The following INO80E variants were observed in gnomAD, a reference collection of about 807,000 sequenced individuals.
The protein encoded by INO80E is INO80 complex subunit E.
In INO80E, 20 loss-of-function variants were observed where a neutral mutation model predicts 27.3. The observed-to-expected ratio is 0.73, with a 90% CI of 0.51 to 1.06. The LOEUF (loss-of-function observed/expected upper bound fraction) is 1.06, where lower values mean the gene tolerates loss of function less well. Ranked by LOEUF, INO80E falls within the 50% of genes least tolerant of loss-of-function variation. INO80E has a pLI of 0.00. For missense variants in INO80E, 357 were observed against 322.8 expected (o/e 1.11, Z -0.81); for synonymous variants, 167 against 145.9 (o/e 1.14, Z -1.04).
At chr16:30,001,822 G>T in intron 6 of INO80E, 1 of 415,460 alleles carries the variant, frequency 2.4e-6, no homozygotes. Flanking sequence ...CGTGTTGTGT[G>T]ATGCCAGGTA....
Position 30,000,922 on chromosome 16 carries a change from TC to T in INO80E, c.285-6del. 1 of 1,604,426 alleles carries T rather than the reference TC, an allele frequency of 6.2e-7. No homozygotes were observed. Among genetic ancestry groups the T allele is most frequent in the Non-Finnish European group, 8.5e-7 (1 of 1,172,960 alleles). ...CCACATCTGACCTCGCCCTGTCCTT[TC>T]TCCAGGAAGAGAAGCCCTCCGCTGG... On this transcript the variant is annotated splice_region_variant and splice_polypyrimidine_tract_variant and intron_variant, in intron 4 of 6. Transcript: ENST00000563197.
In INO80E at chr16:29,996,527, A is replaced by C. The variant is rs563150678; in HGVS notation, c.82-20A>C. 34 of 1,557,990 alleles carry C rather than the reference A, an allele frequency of 2.2e-5. No individual in the cohort carries two copies. The African/African-American group carries it at 4.2e-4, about 19-fold the overall frequency. ...TCACGGAGGACCGTTGGCCCAGCGC[A>C]CCCCTTGCCCGTGATACAGGAGCAC... On this transcript the variant is annotated intron_variant, in intron 1 of 6. Coordinates refer to ENST00000563197, the MANE Select transcript of INO80E (RefSeq NM_173618.3).
At position 29,996,827 on chromosome 16, in the gene INO80E, C is replaced by A; in HGVS notation, c.172C>A (p.Leu58Met). The A allele has an allele frequency of 6.2e-7, 1 of 1,614,200 alleles. No individual in the cohort carries two copies. Among genetic ancestry groups the A allele is most frequent in the Non-Finnish European group, 8.5e-7 (1 of 1,180,016 alleles). Residue 58 changes from leucine (L) to methionine (M), a missense_variant, in exon 3 of 7, where the codon CTG becomes ATG. Leu to Met is a conservative substitution (Grantham distance 15). Transcript: ENST00000563197. ...RDKSFLLDRL[L>M]QYENVDEDSS... is the part of the protein sequence containing the mutation. ...CCTCAGTTTCCTCCTAGACCGACTT[C>A]TGCAGTACGAGAACGTGGATGAAGA... is the stretch of plus-strand genomic sequence containing the variant.
chr16:29,996,659 GA>G (rs1176784562), intron 2 of INO80E, 42 bp downstream of exon 2: 1 of 1,583,704 alleles, frequency 6.3e-7, no homozygotes, highest in East Asian at 2.3e-5. Flanking sequence ...TGCTTCCTAG[GA>G]AATCTACATT....
intron 6 of INO80E, chr16:30,004,607 G>C (rs2070478902): frequency 6.5e-6 from 1 of 154,958 alleles, no homozygotes; most frequent in Admixed American, 6.5e-5. Context: ...GCTGGATCTG[G>C]GAGAGGCTGC....
At chr16:30,000,408 T>C (rs1003286029) in intron 3 of INO80E, among the ~76,000 whole-genome samples, 4 of 152,180 alleles carry the variant, frequency 2.6e-5, no homozygotes, top group African/African-American at 9.7e-5. Flanking sequence ...TCTTGCTCTG[T>C]CACCCAGGCT....
intron 3 of INO80E, among the ~76,000 whole-genome samples, chr16:29,999,757 A>T (rs1009156170): frequency 2.0e-5 from 3 of 152,234 alleles, no homozygotes; most frequent in Admixed American, 2.0e-4. Context: ...AGCCAGATTA[A>T]GCAGCACCAT....
In INO80E at chr16:29,996,421, G is replaced by C. The variant is rs1043379236; in HGVS notation, c.81+30G>C. On this transcript the variant is annotated intron_variant, in intron 1 of 6. Coordinates refer to ENST00000563197, the MANE Select transcript of INO80E (RefSeq NM_173618.3). ...GTGCTGCCGCGGGAAGGCTGTGGGG[G>C]ATGAGGCCTGGCGCGGACAAGATCT... 4 of 1,568,090 alleles carry C rather than the reference G, an allele frequency of 2.6e-6. No individual in the cohort carries two copies. The African/African-American group carries it at 5.4e-5, about 21-fold the overall frequency.
chr16:30,005,443 C>T lies in INO80E; in HGVS notation c.*1C>T, dbSNP rs373830911. ...CCTGGTGATCGACATCCCGGAGTGA[C>T]CGTGACATCACGCCATGCCCACCAC... is the stretch of plus-strand genomic sequence containing the variant. On this transcript the variant is annotated 3_prime_UTR_variant, in exon 7 of 7. Transcript: ENST00000563197. 3 of 1,594,374 alleles carry T rather than the reference C, an allele frequency of 1.9e-6. No homozygotes were observed. The highest frequency in any genetic ancestry group is 2.3e-5 in the South Asian group (2 of 87,556).
rs1308083517 is a variant in INO80E at position 30,005,781 on chromosome 16, G to A, written c.*339G>A. 5.6e-5 allele frequency: 26 copies of A among 465,146 alleles called. No individual in the cohort carries two copies. In the Admixed American group the frequency reaches 7.4e-4, roughly 13 times the overall value. The allele number at this position is 465,146 out of a possible 1,614,324, so 28.8% of individuals were successfully genotyped here. ...TCAATGAAGTTTCTGTATTAAAGGA[G>A]TGGCTCTGGGTTTGTTTTTTGTCCT... is the stretch of plus-strand genomic sequence containing the variant. On this transcript the variant is annotated 3_prime_UTR_variant, in exon 7 of 7. Coordinates refer to ENST00000563197, the MANE Select transcript of INO80E (RefSeq NM_173618.3).
intron 2 of INO80E, 82 bp downstream of exon 2, chr16:29,996,699 G>T: frequency 1.9e-6 from 3 of 1,587,696 alleles, no homozygotes; most frequent in Non-Finnish European, 1.7e-6. Flanking sequence ...AGGGCCACAA[G>T]TGCATGGGCT....
At chr16:30,004,612 G>C (rs2070479167) in intron 6 of INO80E, 1 of 154,968 alleles carries the variant, frequency 6.5e-6, no homozygotes, top group African/African-American at 2.4e-5. Context: ...ATCTGGGAGA[G>C]GCTGCGGGCA....
intron 3 of INO80E, among the ~76,000 whole-genome samples, chr16:30,000,400 T>C (rs1199673553): frequency 7.9e-5 from 12 of 152,308 alleles, no homozygotes; most frequent in African/African-American, 2.9e-4. Context: ...AGGCAGGGTC[T>C]TGCTCTGTCA....
At position 29,996,799 on chromosome 16, in the gene INO80E, TCC is replaced by T. The variant is rs756312938; in HGVS notation, c.153-6_153-5del. ...AAATCACTGTCCGTGTCTCCTTCCC[TCC>T]CCTCAGTTTCCTCCTAGACCGACTT... On this transcript the variant is annotated splice_region_variant and splice_polypyrimidine_tract_variant and intron_variant, in intron 2 of 6. Coordinates refer to ENST00000563197, the MANE Select transcript of INO80E (RefSeq NM_173618.3). 1.5e-5 allele frequency: 24 copies of T among 1,613,884 alleles called. No homozygotes were observed. In the African/African-American group the frequency reaches 3.2e-4, roughly 22 times the overall value.
intron 3 of INO80E, 47 bp downstream of exon 3, chr16:29,996,907 T>C: frequency 1.3e-6 from 2 of 1,583,088 alleles, no homozygotes; most frequent in South Asian, 2.2e-5. Flanking sequence ...TTCCTGGTAC[T>C]TAGCAAGCTT....
At chr16:30,004,885 A>T (rs1448027986) in intron 6 of INO80E, among the ~76,000 whole-genome samples, 1 of 152,044 alleles carries the variant, frequency 6.6e-6, no homozygotes, top group Non-Finnish European at 1.5e-5. Context: ...GCAGGCAGGC[A>T]AGCACTCCAG....
chr16:29,998,708 G>C (rs766800713), intron 3 of INO80E, among the ~76,000 whole-genome samples: 1 of 152,058 alleles, frequency 6.6e-6, no homozygotes, highest in Admixed American at 6.6e-5. Context: ...TGAGGCCCTC[G>C]TAAGCCATGT....
In INO80E at chr16:29,996,306, CG is replaced by C. The variant is rs1181406223; in HGVS notation, c.-3del. 4 of 1,590,606 alleles carry C rather than the reference CG, an allele frequency of 2.5e-6. No individual in the cohort carries two copies. In the East Asian group the frequency reaches 9.1e-5, roughly 36 times the overall value. ...CAGACTCTGGGCGCCACTCCCGGGC[CG>C]GTCATGAACGGGCCGGCGGACGGCG... On this transcript the variant is annotated 5_prime_UTR_variant, in exon 1 of 7. Coordinates refer to ENST00000563197, the MANE Select transcript of INO80E (RefSeq NM_173618.3).
At chr16:29,996,448 A>G (rs775964198) in intron 1 of INO80E, 57 bp downstream of exon 1, 18 of 1,554,072 alleles carry the variant, frequency 1.2e-5, no homozygotes, top group East Asian at 2.4e-5. Flanking sequence ...ACAAGATCTC[A>G]GTTTACCCAG....
Sources: gnomAD v4.1 joint callset for allele counts (sites outside exome capture counted in the v4.1 genomes callset) on GRCh38, gnomAD v4.1.1 for gene constraint, MANE v1.5 for transcripts, NCBI Gene and HGNC (gene_info 2026-07-23, HGNC 2026-07-21) for gene names.